Variants in SNTG2 observed in about 807,000 individuals in gnomAD.
SNTG2 encodes the protein gamma-2-syntrophin.
SNTG2 carries 74 observed loss-of-function variants against 70.9 expected under a neutral mutation model. That is an observed-to-expected ratio of 1.04 (90% CI 0.86 to 1.27). The LOEUF is 1.27. Ranked by LOEUF, SNTG2 falls within the 50% of genes most tolerant of loss-of-function variation. The pLI, the probability that SNTG2 is intolerant of heterozygous loss-of-function variation, is 0.00. For missense variants in SNTG2, 717 were observed against 690.7 expected (o/e 1.04, Z -0.43); for synonymous variants, 278 against 273.8 (o/e 1.02, Z -0.15).
rs565433100 is a variant in SNTG2, at chr2:1,152,536, A to G, written c.412-13012A>G. 6.0e-5 allele frequency among the ~76,000 whole-genome samples: 9 copies of G among 150,996 alleles called. No individual in the cohort carries two copies. The South Asian group carries it at 1.5e-3, about 25-fold the overall frequency. ...TGTACATGTGTGTGCATGTGTATTC[A>G]TGTGTGCACACACGTATGTTTCTAG... On this transcript the variant is annotated intron_variant, in intron 6 of 16. Transcript: ENST00000308624.
At chr2:1,128,622 C>G (rs752565395) in intron 4 of SNTG2, among the ~76,000 whole-genome samples, 14 of 152,072 alleles carry the variant, frequency 9.2e-5, no homozygotes, top group Non-Finnish European at 1.9e-4. Flanking sequence ...TCTCTCAGAC[C>G]GTCACAGTTT....
chr2:1,210,121 G>T (rs1160612657), intron 9 of SNTG2, among the ~76,000 whole-genome samples: 1 of 152,144 alleles, frequency 6.6e-6, no homozygotes, highest in African/African-American at 2.4e-5. Context: ...TTAGAATTAG[G>T]TTTTCTATAT....
chr2:953,770 T>G (rs75887648), intron 1 of SNTG2, among the ~76,000 whole-genome samples: 2,338 of 152,326 alleles, frequency 0.015, 69 homozygotes, highest in African/African-American at 0.052. Context: ...GCCTTGTTTT[T>G]GTTTTTGTTT....
intron 14 of SNTG2, among the ~76,000 whole-genome samples, chr2:1,299,476 G>A (rs931853063): frequency 1.3e-5 from 2 of 152,092 alleles, no homozygotes; most frequent in African/African-American, 4.8e-5. Context: ...TTCCATCCCT[G>A]TCTCCACACC....
At chr2:1,218,788 G>T (rs1267635788) in intron 9 of SNTG2, among the ~76,000 whole-genome samples, 3 of 152,156 alleles carry the variant, frequency 2.0e-5, no homozygotes, top group African/African-American at 7.2e-5. Flanking sequence ...ACCCTCTTGG[G>T]GCCATGACCT....
At chr2:996,255 A>G (rs919797799) in intron 1 of SNTG2, among the ~76,000 whole-genome samples, 2 of 152,210 alleles carry the variant, frequency 1.3e-5, no homozygotes, top group African/African-American at 2.4e-5. Context: ...CTTAAAAACT[A>G]AGAGAACTTT....
chr2:1,033,422 C>A (rs972226951), intron 1 of SNTG2, among the ~76,000 whole-genome samples: 3 of 152,202 alleles, frequency 2.0e-5, no homozygotes, highest in Non-Finnish European at 4.4e-5. Flanking sequence ...AAATGCCTGT[C>A]CCTTCTTCAA....
rs1277383836 is a variant in SNTG2, at chr2:1,308,542, G to T, written c.1333G>T (p.Val445Leu). Reference sequence around the variant, plus strand: ...GCAAGGAGAGATGCTGTGTTTCACGGTGGATTTCGCGTTGGGATTTACCTG... The same window carrying T: ...GCAAGGAGAGATGCTGTGTTTCACGTTGGATTTCGCGTTGGGATTTACCTG... ...SWQGEMLCFT[V>L]DFALGFTCFE... The change falls in exon 15 of 17, where the codon GTG (valine) becomes TTG (leucine). Residue 445 changes from valine to leucine, a missense_variant. Transcript: ENST00000308624. 1 of 1,551,702 alleles carries T rather than the reference G, an allele frequency of 6.4e-7. No individual in the cohort carries two copies. The highest frequency in any genetic ancestry group is 8.7e-7 in the Non-Finnish European group (1 of 1,146,992).
In SNTG2 at chr2:1,305,341, T is replaced by C. The variant is rs1265875521; in HGVS notation, c.1285-3153T>C. Among the ~76,000 whole-genome samples, 3 of 152,290 alleles carry C rather than the reference T, an allele frequency of 2.0e-5. No individual in the cohort carries two copies. In the East Asian group the frequency reaches 5.8e-4, roughly 29 times the overall value. Reference sequence around the variant, plus strand: ...ATTTAAATTACTAATTTTATCAAAATTTGCTGGGCAGTCTATGAGGATGTC... The same window carrying C: ...ATTTAAATTACTAATTTTATCAAAACTTGCTGGGCAGTCTATGAGGATGTC... On this transcript the variant is annotated intron_variant, in intron 14 of 16. Coordinates refer to ENST00000308624, the MANE Select transcript of SNTG2 (RefSeq NM_018968.4).
At chr2:1,014,017 T>G (rs374340027) in intron 1 of SNTG2, among the ~76,000 whole-genome samples, 19 of 5,812 alleles carry the variant, frequency 3.3e-3, no homozygotes, top group East Asian at 4.9e-3. Flanking sequence ...GGGTGGTCTG[T>G]AGAGGGATTT....
At chr2:1,025,843 G>A (rs998155006) in intron 1 of SNTG2, among the ~76,000 whole-genome samples, 4 of 152,118 alleles carry the variant, frequency 2.6e-5, no homozygotes, top group African/African-American at 9.7e-5. Flanking sequence ...TTTTTGTGGG[G>A]GCCTTTGCCT....
intron 12 of SNTG2, among the ~76,000 whole-genome samples, chr2:1,259,111 CTAAGA>C (rs1418586440): frequency 2.0e-5 from 3 of 152,116 alleles, no homozygotes; most frequent in East Asian, 3.9e-4. Flanking sequence ...TCTTATCTAT[CTAAGA>C]TAAGATAAAG....
At chr2:1,297,426 C>G (rs1279417903) in intron 14 of SNTG2, among the ~76,000 whole-genome samples, 1 of 152,256 alleles carries the variant, frequency 6.6e-6, no homozygotes, top group African/African-American at 2.4e-5. Context: ...ATGAGCTATA[C>G]TTGAGACATT....
intron 1 of SNTG2, among the ~76,000 whole-genome samples, chr2:1,003,052 A>T (rs1659456608): frequency 6.6e-6 from 1 of 152,150 alleles, no homozygotes; most frequent in Non-Finnish European, 1.5e-5. Context: ...AGCTGAATAA[A>T]GTGTACACAC....
In SNTG2 at chr2:1,294,660, G is replaced by C. The variant is rs566367345; in HGVS notation, c.1285-13834G>C. Among the ~76,000 whole-genome samples the C allele has an allele frequency of 4.8e-4, 73 of 152,234 alleles. No homozygotes were observed. The South Asian group carries it at 0.015, about 31-fold the overall frequency. ...TCATCCATCTTGTAAGCAGGACATT[G>C]GTCTCCCAAACCACATGGACACAAG... is the stretch of plus-strand genomic sequence containing the variant. On this transcript the variant is annotated intron_variant, in intron 14 of 16. Transcript: ENST00000308624.
At chr2:1,143,363 G>A (rs929701414) in intron 6 of SNTG2, among the ~76,000 whole-genome samples, 4 of 152,054 alleles carry the variant, frequency 2.6e-5, no homozygotes, top group Admixed American at 6.5e-5. Context: ...ATGAGTCCCT[G>A]GGCCTTGTCA....
Position 1,117,089 on chromosome 2 carries a change from G to C in SNTG2, c.325+18679G>C, listed in dbSNP as rs1305304428. Among the ~76,000 whole-genome samples the C allele has an allele frequency of 2.0e-5, 3 of 151,308 alleles. No individual in the cohort carries two copies. The East Asian group carries it at 5.8e-4, about 29-fold the overall frequency. ...GGTGCCCCAATATGTGGGTGCCCCG[G>C]TGTACAGGTGCCCCGGTGTACGGGT... is the stretch of plus-strand genomic sequence containing the variant. On this transcript the variant is annotated intron_variant, in intron 4 of 16. Transcript: ENST00000308624.
chr2:965,196 C>G (rs1660501314), intron 1 of SNTG2, among the ~76,000 whole-genome samples: 1 of 99,902 alleles, frequency 1.0e-5, no homozygotes, highest in Non-Finnish European at 2.4e-5. Flanking sequence ...GGTCCCCAGT[C>G]CTCCTCCTGG....
chr2:972,658 TG>T (rs1394643821), intron 1 of SNTG2, among the ~76,000 whole-genome samples: 1 of 152,110 alleles, frequency 6.6e-6, no homozygotes, highest in African/African-American at 2.4e-5. Flanking sequence ...TTCTCATGGA[TG>T]GTTTGGCACC....
Sources: gnomAD v4.1 joint callset for allele counts (sites outside exome capture counted in the v4.1 genomes callset) on GRCh38, gnomAD v4.1.1 for gene constraint, MANE v1.5 for transcripts, NCBI Gene and HGNC (gene_info 2026-07-23, HGNC 2026-07-21) for gene names.